Variants in ANKRD28 observed in about 807,000 individuals in gnomAD.
ANKRD28 encodes serine/threonine-protein phosphatase 6 regulatory ankyrin repeat subunit A.
ANKRD28 carries 44 observed loss-of-function variants against 126.5 expected under a neutral mutation model. The ratio of observed to expected loss-of-function variants is 0.35; its 90% CI spans 0.27 to 0.45. The LOEUF is 0.45. Ranked by LOEUF, ANKRD28 falls within the 20% of genes least tolerant of loss-of-function variation. ANKRD28 has a pLI of 1.00. For missense variants in ANKRD28, 1,110 were observed against 1,316.6 expected (o/e 0.84, Z 2.43); for synonymous variants, 442 against 468.5 (o/e 0.94, Z 0.73).
chr3:15,715,960 T>C (rs1408073972), intron 8 of ANKRD28, among the ~76,000 whole-genome samples: 1 of 152,000 alleles, frequency 6.6e-6, no homozygotes, highest in African/African-American at 2.4e-5. Context: ...TAATTTTTAA[T>C]GTTAATATTT....
At position 15,675,927 on chromosome 3, in the gene ANKRD28, C is replaced by T. The variant is rs774110117; in HGVS notation, c.2936G>A (p.Gly979Glu). Reference sequence around the variant, plus strand: ...TTCATCTACTGCAAGCACACTTGCTCCTTTTCCCAAAAGTTCCTGAACCAC... The same window carrying T: ...TTCATCTACTGCAAGCACACTTGCTTCTTTTCCCAAAAGTTCCTGAACCAC... ...TMVVQELLGK[G>E]ASVLAVDENG... Residue 979 changes from glycine (G) to glutamate (E), a missense_variant, in exon 27 of 28, where the codon GGA becomes GAA. Coordinates refer to ENST00000683139, the MANE Select transcript of ANKRD28 (RefSeq NM_001349278.2). 5.6e-6 allele frequency: 9 copies of T among 1,612,942 alleles called. No individual in the cohort carries two copies. The highest frequency in any genetic ancestry group is 4.0e-5 in the African/African-American group (3 of 74,930).
intron 14 of ANKRD28, among the ~76,000 whole-genome samples, chr3:15,699,292 T>C (rs925212549): frequency 6.6e-6 from 1 of 152,094 alleles, no homozygotes; most frequent in African/African-American, 2.4e-5. Context: ...AAAAACCCTA[T>C]TAGAAAACCT....
At chr3:15,751,874 T>A in intron 3 of ANKRD28, 54 bp from the exon 4 acceptor site, 1 of 1,227,654 alleles carries the variant, frequency 8.1e-7, no homozygotes, top group Non-Finnish European at 1.1e-6. Context: ...ATATTTTTAA[T>A]AAATCTCCTG....
chr3:15,814,268 T>A lies in ANKRD28; in HGVS notation c.28-18962A>T, dbSNP rs745487330. The A allele has an allele frequency of 8.7e-6, 11 of 1,264,390 alleles. No individual in the cohort carries two copies. The South Asian group carries it at 1.5e-4, about 17-fold the overall frequency. The allele number at this position is 1,264,390 out of a possible 1,614,324, so 78.3% of individuals were successfully genotyped here. On this transcript the variant is annotated intron_variant, in intron 1 of 27. Coordinates refer to the ANKRD28 transcript ENST00000399451. The surrounding 1 kb of genome is among the most constrained non-coding windows in gnomAD (Gnocchi z 4.7). ...AATAGGAATTCCCATACTATTTTCCTCTGGTGGAGGCAGTTGTACTGTTTC... is the reference window on the plus strand; with the variant it reads ...AATAGGAATTCCCATACTATTTTCCACTGGTGGAGGCAGTTGTACTGTTTC...
rs1309512534 is a variant in ANKRD28 at position 15,846,003 on chromosome 3, C to T, written c.27+13374G>A. ...ATTTGAGAAGAAATTTGGGTGGGGA[C>T]ACAGAGCCAAACCATATCATTCCAC... On this transcript the variant is annotated intron_variant, in intron 1 of 27. Coordinates refer to the ANKRD28 transcript ENST00000399451. This position sits in a 1 kb window ranked among gnomAD's most constrained non-coding sequence, Gnocchi z 5.4. 6.6e-6 allele frequency among the ~76,000 whole-genome samples: 1 copy of T among 152,112 alleles called. No homozygotes were observed. The highest frequency in any genetic ancestry group is 1.5e-5 in the Non-Finnish European group (1 of 68,012).
At chr3:15,852,922 C>T (rs2061684734) in intron 1 of ANKRD28, among the ~76,000 whole-genome samples, 1 of 149,390 alleles carries the variant, frequency 6.7e-6, no homozygotes, top group African/African-American at 2.5e-5. Flanking sequence ...CATAATAATT[C>T]TATCCAGACT....
chr3:15,689,930 G>T (rs2068593882), intron 18 of ANKRD28, 89 bp downstream of exon 18: 53 of 1,143,448 alleles, frequency 4.6e-5, no homozygotes, highest in Non-Finnish European at 6.0e-5. Context: ...AAATTTTAAA[G>T]ACAATTAACT....
At chr3:15,780,619 T>A (rs2059496783) in intron 2 of ANKRD28, among the ~76,000 whole-genome samples, 1 of 151,876 alleles carries the variant, frequency 6.6e-6, no homozygotes, top group Non-Finnish European at 1.5e-5. Flanking sequence ...TTAAAAACAA[T>A]AACCAGCGAA....
intron 3 of ANKRD28, among the ~76,000 whole-genome samples, chr3:15,757,511 C>A (rs894337917): frequency 6.6e-6 from 1 of 152,152 alleles, no homozygotes; most frequent in Non-Finnish European, 1.5e-5. Flanking sequence ...ATGTTAAAAT[C>A]CCAACCCCAA....
chr3:15,771,409 C>A (rs890483403), intron 2 of ANKRD28, among the ~76,000 whole-genome samples: 833 of 114,606 alleles, frequency 7.3e-3, no homozygotes, highest in Non-Finnish European at 6.9e-3. Context: ...AACTCTGTCT[C>A]AAAAAAAAAA....
intron 21 of ANKRD28, chr3:15,684,737 G>C (rs1206527726): frequency 7.0e-6 from 1 of 143,174 alleles, no homozygotes; most frequent in Non-Finnish European, 1.5e-5. Flanking sequence ...AATAGTAAAA[G>C]AACACAATCA....
At chr3:15,842,048 CAT>C (rs1267840232) in intron 1 of ANKRD28, among the ~76,000 whole-genome samples, 1 of 147,884 alleles carries the variant, frequency 6.8e-6, no homozygotes, top group South Asian at 2.1e-4. Flanking sequence ...TTATATATAA[CAT>C]AATTTATATA....
rs1246178575 is a variant in ANKRD28, at chr3:15,797,170, A to G, written c.-649T>C. The G allele has an allele frequency of 5.1e-6, 5 of 983,898 alleles. No individual in the cohort carries two copies. In the African/African-American group the frequency reaches 8.8e-5, roughly 17 times the overall value. The allele number at this position is 983,898 out of a possible 1,614,324, so 60.9% of individuals were successfully genotyped here. A position where few individuals can be genotyped will look rare whatever the true frequency, so the allele number is the denominator to read the frequency against. ...CTGAAAATGAAGCTCAGAGGTTAAC[A>G]ATTCTTTCAGTGTTTGGGAAAGGGG... On this transcript the variant is annotated 5_prime_UTR_variant, in exon 1 of 28. Coordinates refer to ENST00000683139, the MANE Select transcript of ANKRD28 (RefSeq NM_001349278.2).
intron 14 of ANKRD28, among the ~76,000 whole-genome samples, chr3:15,703,812 A>C (rs1012284997): frequency 1.3e-5 from 2 of 152,232 alleles, no homozygotes; most frequent in African/African-American, 4.8e-5. Flanking sequence ...GCTAGAGATA[A>C]CAACCCATAA....
intron 3 of ANKRD28, among the ~76,000 whole-genome samples, chr3:15,762,438 TATATC>T (rs1243155617): frequency 7.2e-5 from 11 of 152,288 alleles, no homozygotes; most frequent in African/African-American, 2.4e-4. Flanking sequence ...GGAAGGTACT[TATATC>T]ATATTAAAGC....
chr3:15,684,052 T>G (rs143310614), intron 21 of ANKRD28: 123 of 152,224 alleles, frequency 8.1e-4, no homozygotes, highest in African/African-American at 2.7e-3. Flanking sequence ...ACATTAATCT[T>G]GAAGCTACAC....
chr3:15,820,875 C>T (rs1368546327), intron 1 of ANKRD28, among the ~76,000 whole-genome samples: 1 of 152,082 alleles, frequency 6.6e-6, no homozygotes, highest in Non-Finnish European at 1.5e-5. Context: ...TTTGACACTT[C>T]CTTCTGAAAA....
At chr3:15,724,716 T>C (rs533606736) in intron 6 of ANKRD28, among the ~76,000 whole-genome samples, 192 bp from the exon 7 acceptor site, 13 of 152,266 alleles carry the variant, frequency 8.5e-5, no homozygotes, top group African/African-American at 2.4e-4. Flanking sequence ...TAATGGCTCA[T>C]GCCTATAATC....
At chr3:15,834,592 C>G (rs776919180) in intron 1 of ANKRD28, among the ~76,000 whole-genome samples, 1 of 152,094 alleles carries the variant, frequency 6.6e-6, no homozygotes, top group Non-Finnish European at 1.5e-5. Context: ...CACTGAAAAG[C>G]TAATCATCAT....
Sources: gnomAD v4.1 joint callset for allele counts (sites outside exome capture counted in the v4.1 genomes callset) on GRCh38, gnomAD v4.1.1 for gene constraint, Gnocchi (gnomAD v3.1) non-coding constraint, MANE v1.5 for transcripts, NCBI Gene and HGNC (gene_info 2026-07-23, HGNC 2026-07-21) for gene names.